Variants in GRM3 observed in about 807,000 individuals in gnomAD.
The protein encoded by GRM3 is metabotropic glutamate receptor 3.
In GRM3, 26 loss-of-function variants were observed where a neutral mutation model predicts 70.5. The observed-to-expected ratio is 0.37, with a 90% CI of 0.27 to 0.51. The LOEUF is 0.51. GRM3 is among the 20% of genes least tolerant of loss of function. GRM3 has a pLI of 0.93. For synonymous variants in GRM3, 443 were observed against 434.9 expected (o/e 1.02, Z -0.23); for missense variants, 859 against 1,123.8 (o/e 0.76, Z 3.37).
rs34299581 is a variant in GRM3, at chr7:86,824,827, CAGAT to C, written c.1325-13998_1325-13995del. ...ATGTGTGTGTGTGCACATATATATA[CAGAT>C]AGATAGATAGATACACCCATAAGGT... On this transcript the variant is annotated intron_variant, in intron 3 of 5. Transcript: ENST00000361669. Among the ~76,000 whole-genome samples the C allele has an allele frequency of 5.3e-5, 8 of 151,876 alleles. No homozygotes were observed. In the Middle Eastern group the frequency reaches 0.014, roughly 258 times the overall value.
At chr7:86,821,179 T>C (rs1185791319) in intron 3 of GRM3, among the ~76,000 whole-genome samples, 1 of 151,912 alleles carries the variant, frequency 6.6e-6, no homozygotes, top group South Asian at 2.1e-4. Flanking sequence ...AAGGGTTTTT[T>C]TTAACTAGAA....
At position 86,864,454 on chromosome 7, in the gene GRM3, G is replaced by T; in HGVS notation, c.*99G>T. ...GAAACAGAGCAAAAGAACAACCCTA[G>T]TACCTTTTTTTAGAAACAGTACGAT... On this transcript the variant is annotated 3_prime_UTR_variant, in exon 6 of 6. Coordinates refer to ENST00000361669, the MANE Select transcript of GRM3 (RefSeq NM_000840.3). 1.2e-6 allele frequency: 1 copy of T among 855,354 alleles called. No individual in the cohort carries two copies. Among genetic ancestry groups the T allele is most frequent in the Non-Finnish European group, 2.0e-6 (1 of 489,356 alleles). 53.0% of individuals were successfully genotyped at this position (855,354 alleles called of 1,614,324 possible).
At chr7:86,650,879 T>C (rs951447072) in intron 1 of GRM3, among the ~76,000 whole-genome samples, 1 of 152,232 alleles carries the variant, frequency 6.6e-6, no homozygotes, top group Admixed American at 6.5e-5. Flanking sequence ...TAAAAAAGTT[T>C]TGTAGTATAG....
chr7:86,855,524 A>C (rs991753885), intron 5 of GRM3, among the ~76,000 whole-genome samples: 5 of 152,192 alleles, frequency 3.3e-5, no homozygotes, highest in African/African-American at 1.2e-4. Flanking sequence ...TTGGTCCCCA[A>C]GGAGCTGTAG....
intron 3 of GRM3, among the ~76,000 whole-genome samples, chr7:86,813,918 C>T (rs762345768): frequency 1.3e-5 from 2 of 151,778 alleles, no homozygotes; most frequent in Non-Finnish European, 2.9e-5. Flanking sequence ...GAGGAATTGG[C>T]ACCCAGGAGA....
At chr7:86,679,518 G>A (rs966558427) in intron 1 of GRM3, among the ~76,000 whole-genome samples, 4 of 151,980 alleles carry the variant, frequency 2.6e-5, no homozygotes, top group African/African-American at 9.7e-5. Flanking sequence ...TAGCCACTTA[G>A]CCTAATCCTA....
intron 1 of GRM3, among the ~76,000 whole-genome samples, chr7:86,707,936 A>G (rs141112540): frequency 1.1e-4 from 16 of 152,268 alleles, no homozygotes; most frequent in African/African-American, 3.1e-4. Flanking sequence ...TAAGAACCCT[A>G]TGAAAAAGGT....
chr7:86,765,250 A>G lies in GRM3; in HGVS notation c.105A>G (p.Ile35Met). 6.2e-7 allele frequency: 1 copy of G among 1,613,856 alleles called. No individual in the cohort carries two copies. The highest frequency in any genetic ancestry group is 8.5e-7 in the Non-Finnish European group (1 of 1,179,842). ...ACTTTCTAAGGAGAGAGATTAAAATAGAAGGTGACCTTGTTTTAGGGGGCC... is the reference window on the plus strand; with the variant it reads ...ACTTTCTAAGGAGAGAGATTAAAATGGAAGGTGACCTTGTTTTAGGGGGCC... The part of the protein sequence containing the change: ...DHNFLRREIK[I>M]EGDLVLGGLF... The change falls in exon 2 of 6, where the codon ATA (isoleucine) becomes ATG (methionine). Residue 35 changes from isoleucine (I) to methionine (M), a missense_variant. By Grantham distance (10) the Ile-to-Met change is conservative. Transcript: ENST00000361669.
At chr7:86,660,285 T>C (rs185611881) in intron 1 of GRM3, among the ~76,000 whole-genome samples, 1 of 152,058 alleles carries the variant, frequency 6.6e-6, no homozygotes, top group Non-Finnish European at 1.5e-5. Context: ...GAATTAATTG[T>C]GCAGTTTAGC....
intron 1 of GRM3, chr7:86,710,280 C>T (rs542467049): frequency 2.1e-4 from 32 of 151,656 alleles, no homozygotes; most frequent in Non-Finnish European, 3.8e-4. Context: ...ATTTAAAATG[C>T]CTATTTTTTT....
At chr7:86,833,390 G>T (rs979126365) in intron 3 of GRM3, among the ~76,000 whole-genome samples, 25 of 147,616 alleles carry the variant, frequency 1.7e-4, no homozygotes, top group African/African-American at 6.4e-4. Context: ...AAAACTTAAA[G>T]TATGATAATA....
intron 1 of GRM3, among the ~76,000 whole-genome samples, chr7:86,699,811 T>C (rs903383232): frequency 6.6e-6 from 1 of 152,014 alleles, no homozygotes; most frequent in African/African-American, 2.4e-5. Flanking sequence ...TGAGGAGAAC[T>C]AGCTTTTCCC....
intron 1 of GRM3, among the ~76,000 whole-genome samples, chr7:86,690,695 A>G (rs1178584405): frequency 3.9e-5 from 6 of 152,134 alleles, no homozygotes; most frequent in Non-Finnish European, 8.8e-5. Flanking sequence ...GTGAGAGAAC[A>G]AGAGAGAGGA....
chr7:86,801,600 T>C (rs1034520202), intron 3 of GRM3, among the ~76,000 whole-genome samples: 2 of 152,082 alleles, frequency 1.3e-5, no homozygotes, highest in African/African-American at 2.4e-5. Context: ...CTACAACAGA[T>C]GAGATTAAAA....
intron 1 of GRM3, among the ~76,000 whole-genome samples, chr7:86,716,643 C>A (rs1382753351): frequency 1.3e-5 from 2 of 148,864 alleles, no homozygotes; most frequent in African/African-American, 5.0e-5. Flanking sequence ...AGGGAAACAC[C>A]AAGTGCAATA....
intron 2 of GRM3, among the ~76,000 whole-genome samples, chr7:86,778,779 A>C (rs567070513): frequency 7.7e-4 from 118 of 152,326 alleles, no homozygotes; most frequent in Middle Eastern, 3.4e-3. Flanking sequence ...AAAAATATAC[A>C]GCTAATGTCA....
At chr7:86,708,378 G>A (rs1430062437) in intron 1 of GRM3, among the ~76,000 whole-genome samples, 1 of 152,134 alleles carries the variant, frequency 6.6e-6, no homozygotes, top group African/African-American at 2.4e-5. Context: ...AGAGATGTCT[G>A]GGAAATTCCA....
chr7:86,757,247 T>A (rs1201311665), intron 1 of GRM3, among the ~76,000 whole-genome samples: 1 of 152,196 alleles, frequency 6.6e-6, no homozygotes, highest in Non-Finnish European at 1.5e-5. Flanking sequence ...ATGCTGGTTA[T>A]TATAGGACAT....
intron 1 of GRM3, among the ~76,000 whole-genome samples, chr7:86,653,550 C>A (rs539528236): frequency 6.6e-6 from 1 of 152,292 alleles, no homozygotes; most frequent in Non-Finnish European, 1.5e-5. Flanking sequence ...GTCCTATTAT[C>A]TTCGTTGTAA....
Sources: gnomAD v4.1 joint callset for allele counts (sites outside exome capture counted in the v4.1 genomes callset) on GRCh38, gnomAD v4.1.1 for gene constraint, MANE v1.5 for transcripts, NCBI Gene and HGNC (gene_info 2026-07-23, HGNC 2026-07-21) for gene names.